Variants in CLSTN2 observed in about 807,000 individuals in gnomAD.
CLSTN2 encodes calsyntenin 2, also known as calsyntenin-2.
In CLSTN2, 48 loss-of-function variants were observed where a neutral mutation model predicts 101.2. The observed-to-expected ratio is 0.47, with a 90% CI of 0.38 to 0.60. The LOEUF is 0.60. Among genes scored for constraint, CLSTN2 ranks in the 20% least tolerant of loss-of-function variants. The pLI, the probability that CLSTN2 is intolerant of heterozygous loss-of-function variation, is 0.00. For synonymous variants in CLSTN2, 481 were observed against 463.6 expected, an observed-to-expected ratio of 1.04 and a Z score of -0.48; for missense variants, 1,160 against 1,238.2, an observed-to-expected ratio of 0.94 and a Z score of 0.95.
intron 8 of CLSTN2, among the ~76,000 whole-genome samples, chr3:140,497,389 C>G (rs1023830778): frequency 6.6e-6 from 1 of 152,172 alleles, no homozygotes; most frequent in African/African-American, 2.4e-5. Context: ...TTTGAAAAAG[C>G]TATCTGGCCA....
intron 8 of CLSTN2, among the ~76,000 whole-genome samples, chr3:140,473,794 G>T (rs1234849820): frequency 1.3e-5 from 2 of 150,724 alleles, no homozygotes; most frequent in Admixed American, 1.3e-4. Context: ...GTCTTGCTTT[G>T]TTGCCCAGGC....
intron 8 of CLSTN2, among the ~76,000 whole-genome samples, chr3:140,482,400 TA>T (rs1934137638): frequency 6.6e-6 from 1 of 152,184 alleles, no homozygotes; most frequent in Admixed American, 6.5e-5. Context: ...GATACTGGTC[TA>T]AAATTCTGTT....
At chr3:140,143,769 A>C (rs981822172) in intron 1 of CLSTN2, among the ~76,000 whole-genome samples, 7 of 152,192 alleles carry the variant, frequency 4.6e-5, no homozygotes, top group Non-Finnish European at 7.3e-5. Context: ...CCTTTGCCTG[A>C]AGTCTTTGAA....
chr3:140,488,342 T>C (rs1934278755), intron 8 of CLSTN2, among the ~76,000 whole-genome samples: 1 of 152,202 alleles, frequency 6.6e-6, no homozygotes. Flanking sequence ...CTCAGCTCTG[T>C]CTCTTATTAT....
chr3:140,401,900 T>C (rs993691), intron 2 of CLSTN2, among the ~76,000 whole-genome samples: 91,403 of 152,046 alleles, frequency 0.6, 28,501 homozygotes, highest in South Asian at 0.76. Context: ...TGCACAGTAC[T>C]GAAATGCCTA....
intron 8 of CLSTN2, among the ~76,000 whole-genome samples, chr3:140,492,914 A>G (rs933432715): frequency 6.6e-6 from 1 of 152,192 alleles, no homozygotes; most frequent in Non-Finnish European, 1.5e-5. Flanking sequence ...CTCCCACCAT[A>G]TAAAGGAATA....
intron 2 of CLSTN2, among the ~76,000 whole-genome samples, chr3:140,337,544 T>C (rs1042995632): frequency 1.3e-5 from 2 of 152,164 alleles, no homozygotes; most frequent in Admixed American, 1.3e-4. Flanking sequence ...CATTCACAGG[T>C]ACCAGGGAGT....
chr3:140,262,126 T>C (rs901204471), intron 2 of CLSTN2, among the ~76,000 whole-genome samples: 1 of 152,194 alleles, frequency 6.6e-6, no homozygotes, highest in Non-Finnish European at 1.5e-5. Flanking sequence ...CAATAGAACC[T>C]TGGCAGGGTT....
chr3:140,565,368 A>G (rs1240188737), intron 16 of CLSTN2, among the ~76,000 whole-genome samples: 1 of 152,204 alleles, frequency 6.6e-6, no homozygotes, highest in African/African-American at 2.4e-5. Flanking sequence ...CCAAGCAAGG[A>G]GAAACAACTT....
In CLSTN2 at chr3:140,448,478, C is replaced by T. The variant is rs748122211; in HGVS notation, c.788-41C>T. 4 of 1,529,682 alleles carry T rather than the reference C, an allele frequency of 2.6e-6. No homozygotes were observed. In the African/African-American group the frequency reaches 4.1e-5, roughly 16 times the overall value. 94.8% of individuals were successfully genotyped at this position (1,529,682 alleles called of 1,614,324 possible). The stretch of plus-strand genomic sequence containing the variant: ...AAAAGAAATGTTCCAGCAGAACTGA[C>T]TGCACCTGATTCACTTTTCATCCTT... On this transcript the variant is annotated intron_variant, in intron 5 of 16. Transcript: ENST00000458420.
intron 10 of CLSTN2, among the ~76,000 whole-genome samples, chr3:140,548,646 T>G (rs944762385): frequency 6.6e-6 from 1 of 152,162 alleles, no homozygotes; most frequent in Non-Finnish European, 1.5e-5. Flanking sequence ...GAGAGAGGGC[T>G]GAGGAATAGC....
At chr3:140,069,128 G>A (rs2008349841) in intron 1 of CLSTN2, among the ~76,000 whole-genome samples, 2 of 152,172 alleles carry the variant, frequency 1.3e-5, no homozygotes, top group Non-Finnish European at 2.9e-5. Context: ...TTAAATTTAA[G>A]TCTTGCCTGA....
At chr3:140,355,984 A>C (rs1261049122) in intron 2 of CLSTN2, among the ~76,000 whole-genome samples, 1 of 152,236 alleles carries the variant, frequency 6.6e-6, no homozygotes, top group Non-Finnish European at 1.5e-5. Flanking sequence ...TGCAAAACTC[A>C]CCTTAGTGAA....
Position 140,288,133 on chromosome 3 carries a change from G to A in CLSTN2, c.232+112060G>A, listed in dbSNP as rs909284744. ...TCTCAGCAGAACAGGAAACCGGCGG[G>A]GGGGGTCAGAAATGGGTGTGGACAA... On this transcript the variant is annotated intron_variant, in intron 2 of 16. Transcript: ENST00000458420. 3.0e-3 allele frequency among the ~76,000 whole-genome samples: 459 copies of A among 151,084 alleles called. 7 individuals are homozygous for A. Among genetic ancestry groups the A allele is most frequent in the Non-Finnish European group, 4.3e-3 (294 of 67,742 alleles).
intron 2 of CLSTN2, among the ~76,000 whole-genome samples, chr3:140,368,606 A>C (rs2087819205): frequency 6.6e-6 from 1 of 152,140 alleles, no homozygotes; most frequent in Non-Finnish European, 1.5e-5. Flanking sequence ...CACCATCATG[A>C]ATAGGCCACT....
At chr3:140,172,514 T>C (rs573990564) in intron 1 of CLSTN2, among the ~76,000 whole-genome samples, 1 of 152,328 alleles carries the variant, frequency 6.6e-6, no homozygotes, top group East Asian at 1.9e-4. Context: ...TCTCTACTCT[T>C]CATTAGTACC....
intron 1 of CLSTN2, among the ~76,000 whole-genome samples, chr3:140,106,220 T>G (rs546728349): frequency 2.0e-5 from 3 of 152,288 alleles, no homozygotes; most frequent in African/African-American, 7.2e-5. Context: ...CTATTTCTAT[T>G]CTGGAGAGAA....
chr3:140,060,335 T>A (rs536976665), intron 1 of CLSTN2, among the ~76,000 whole-genome samples: 1 of 152,120 alleles, frequency 6.6e-6, no homozygotes, highest in African/African-American at 2.4e-5. Flanking sequence ...CTGGGGGTCA[T>A]GGGAAGAAGA....
intron 1 of CLSTN2, among the ~76,000 whole-genome samples, chr3:140,051,592 CT>C (rs1052762035): frequency 2.6e-5 from 4 of 152,202 alleles, no homozygotes; most frequent in Non-Finnish European, 5.9e-5. Flanking sequence ...GTTTCTCCAT[CT>C]GTTGTCTCAT....
Sources: allele counts gnomAD v4.1 joint callset (sites outside exome capture counted in the v4.1 genomes callset), GRCh38; gene constraint gnomAD v4.1.1; transcripts MANE v1.5; gene names NCBI Gene and HGNC (gene_info 2026-07-23, HGNC 2026-07-21).